The following SOS2 variants were observed in gnomAD, a reference collection of about 807,000 sequenced individuals.
The protein encoded by SOS2 is SOS Ras/Rho guanine nucleotide exchange factor 2, also known as son of sevenless homolog 2.
In SOS2, 65 loss-of-function variants were observed where a neutral mutation model predicts 148.2. The observed-to-expected ratio is 0.44, with a 90% CI of 0.36 to 0.54. SOS2 has a LOEUF of 0.54. SOS2 is among the 20% of genes least tolerant of loss of function. The pLI, the probability that SOS2 is intolerant of heterozygous loss-of-function variation, is 0.00. For missense variants in SOS2, 1,341 were observed against 1,590.2 expected, an observed-to-expected ratio of 0.84 and a Z score of 2.67; for synonymous variants, 539 against 537.1, an observed-to-expected ratio of 1.00 and a Z score of -0.05.
Position 50,118,288 on chromosome 14 carries a change from T to TA in SOS2, c.*55dup, listed in dbSNP as rs532306704. 21,224 of 1,222,438 alleles carry TA rather than the reference T, an allele frequency of 0.017. No individual in the cohort carries two copies. The highest frequency in any genetic ancestry group is 0.021 in the South Asian group (1,323 of 62,756). 75.7% of individuals were successfully genotyped at this position (1,222,438 alleles called of 1,614,324 possible). ...ATACTATGTCTTTTTTTGAATAAAT[T>TA]AAAAAAAAAACTTTACAAATACCAT... On this transcript the variant is annotated 3_prime_UTR_variant, in exon 23 of 23. Coordinates refer to ENST00000216373, the MANE Select transcript of SOS2 (RefSeq NM_006939.4).
intron 1 of SOS2, among the ~76,000 whole-genome samples, chr14:50,221,403 GCA>G (rs1214687508): frequency 2.0e-5 from 3 of 152,204 alleles, no homozygotes; most frequent in Non-Finnish European, 4.4e-5. Flanking sequence ...CAAGGTGCCT[GCA>G]CACAGTGAGT....
rs769868981 is a variant in SOS2, at chr14:50,130,575, G to A, written c.3263C>T (p.Thr1088Ile). ...AGCAGATACTGGTGGAGTAGATGGT[G>A]TATTTGGAGAGGTTGGTGCTGACAC... Reference protein sequence around the residue: ...STVSAPTSPNTPSTPPVSASS... With the variant: ...STVSAPTSPNIPSTPPVSASS... Residue 1088 changes from threonine (T) to isoleucine (I), a missense_variant, in exon 20 of 23, where the codon ACA becomes ATA. Around this residue, in one of 4 missense-constraint regions of SOS2, gnomAD observed 354 missense variants for 347.7 expected, o/e 1.02. Transcript: ENST00000216373. 1.9e-6 allele frequency: 3 copies of A among 1,613,814 alleles called. No individual in the cohort carries two copies. Among genetic ancestry groups the A allele is most frequent in the Admixed American group, 1.7e-5 (1 of 60,006 alleles).
chr14:50,200,922 ACCC>A (rs767894794), intron 3 of SOS2, 28 bp downstream of exon 3: 2 of 1,602,172 alleles, frequency 1.2e-6, no homozygotes, highest in East Asian at 4.5e-5. Context: ...TATAAAGAAC[ACCC>A]CCCAACTAAT....
intron 7 of SOS2, among the ~76,000 whole-genome samples, chr14:50,179,118 G>C (rs1885639611): frequency 6.6e-6 from 1 of 152,056 alleles, no homozygotes; most frequent in Non-Finnish European, 1.5e-5. Context: ...ATATCCACTG[G>C]ATTTGGCAAT....
chr14:50,214,961 G>A (rs949312413), intron 1 of SOS2, among the ~76,000 whole-genome samples: 14 of 151,200 alleles, frequency 9.3e-5, no homozygotes, highest in South Asian at 6.3e-4. Context: ...TCGGCCTCCC[G>A]AGTAGCTGGG....
rs375369865 is a variant in SOS2 at position 50,172,856 on chromosome 14, T to G, written c.1068+1598A>C. Among the ~76,000 whole-genome samples, 39 of 152,288 alleles carry G rather than the reference T, an allele frequency of 2.6e-4. No homozygotes were observed. In the East Asian group the frequency reaches 5.4e-3, roughly 21 times the overall value. ...AAGTGAGCACGTGAAAGATGGAGAT[T>G]TTCTGGTGACAATCCATTCATTTCT... On this transcript the variant is annotated intron_variant, in intron 8 of 22. Transcript: ENST00000216373.
At position 50,231,379 on chromosome 14, in the gene SOS2, C is replaced by A; in HGVS notation, c.-96G>T. 1 of 296,460 alleles carries A rather than the reference C, an allele frequency of 3.4e-6. No individual in the cohort carries two copies. The highest frequency in any genetic ancestry group is 5.0e-6 in the Non-Finnish European group (1 of 199,164). The allele number at this position is 296,460 out of a possible 1,614,324, so 18.4% of individuals were successfully genotyped here. A position where few individuals can be genotyped will look rare whatever the true frequency, so the allele number is the denominator to read the frequency against. On this transcript the variant is annotated 5_prime_UTR_variant, in exon 1 of 23. Coordinates refer to ENST00000216373, the MANE Select transcript of SOS2 (RefSeq NM_006939.4). ...CGGGCCGCCTCGCCTCGCCGGCGGC[C>A]GCCGCCTCCCGCCCGGGCCGAGGCT...
intron 4 of SOS2, among the ~76,000 whole-genome samples, chr14:50,197,466 A>G (rs976055759): frequency 1.3e-5 from 2 of 152,152 alleles, no homozygotes; most frequent in Non-Finnish European, 2.9e-5. Context: ...TATTCCTGCT[A>G]AAGACCATTA....
intron 4 of SOS2, among the ~76,000 whole-genome samples, chr14:50,194,420 T>C (rs1955921): frequency 0.88 from 131,061 of 149,726 alleles, 57,485 homozygotes; most frequent in East Asian, 0.91. Flanking sequence ...ATAACATATG[T>C]TGGAAATCTC....
intron 9 of SOS2, 56 bp downstream of exon 9, chr14:50,161,426 C>T: frequency 7.0e-7 from 1 of 1,436,112 alleles, no homozygotes; most frequent in Non-Finnish European, 9.6e-7. Flanking sequence ...GAAAACCAGG[C>T]ATCAGAGACA....
At chr14:50,185,984 CTTAGGG>C (rs1885896117) in intron 5 of SOS2, among the ~76,000 whole-genome samples, 2 of 152,116 alleles carry the variant, frequency 1.3e-5, no homozygotes, top group African/African-American at 4.8e-5. Context: ...TCATCAGGGT[CTTAGGG>C]TTAAATTAGA....
intron 1 of SOS2, among the ~76,000 whole-genome samples, chr14:50,229,347 T>C (rs890602088): frequency 3.3e-5 from 5 of 152,196 alleles, no homozygotes; most frequent in African/African-American, 1.2e-4. Flanking sequence ...TTAGATGTAT[T>C]TATTTCATAA....
In SOS2 at chr14:50,134,864, G is replaced by A. The variant is rs377350645; in HGVS notation, c.2959-625C>T. Among the ~76,000 whole-genome samples the A allele has an allele frequency of 1.5e-3, 227 of 151,442 alleles. 1 individual carries two copies. Among genetic ancestry groups the A allele is most frequent in the African/African-American group, 5.2e-3 (215 of 41,302 alleles). On this transcript the variant is annotated intron_variant, in intron 18 of 22. Transcript: ENST00000216373. ...TGAGGTGGGTGGATCACCTGAGGTC[G>A]GGAGTTTGAGACCAGCCTGACCAAC...
At chr14:50,138,857 A>G in intron 17 of SOS2, 73 bp from the exon 18 acceptor site, 1 of 589,660 alleles carries the variant, frequency 1.7e-6, no homozygotes. Context: ...ATTTGGGAAA[A>G]CAACTGATCT....
intron 16 of SOS2, among the ~76,000 whole-genome samples, chr14:50,140,378 A>T (rs1372777863): frequency 1.3e-5 from 2 of 152,244 alleles, no homozygotes; most frequent in South Asian, 2.1e-4. Context: ...ACCCCTGAAC[A>T]TTCAAATATT....
chr14:50,228,043 A>ATTTTTT (rs5808544), intron 1 of SOS2, among the ~76,000 whole-genome samples: 1 of 142,496 alleles, frequency 7.0e-6, no homozygotes. Context: ...GATGCAAGTA[A>ATTTTTT]TTTTTTTTTT....
At chr14:50,138,226 G>A (rs980789445) in intron 18 of SOS2, among the ~76,000 whole-genome samples, 2 of 151,680 alleles carry the variant, frequency 1.3e-5, no homozygotes, top group Non-Finnish European at 2.9e-5. Flanking sequence ...GCGCTATCTC[G>A]GCTCACTGCA....
At chr14:50,152,856 T>C (rs967003144) in intron 13 of SOS2, among the ~76,000 whole-genome samples, 15 of 152,018 alleles carry the variant, frequency 9.9e-5, no homozygotes, top group African/African-American at 3.6e-4. Context: ...TCCCAGCTAC[T>C]TGGGAGGCTG....
chr14:50,209,568 A>T (rs552402107), intron 1 of SOS2, among the ~76,000 whole-genome samples: 75 of 152,094 alleles, frequency 4.9e-4, no homozygotes, highest in African/African-American at 1.8e-3. Flanking sequence ...GGAGTTCAAG[A>T]CCAGTCTGGG....
Sources: allele counts gnomAD v4.1 joint callset (sites outside exome capture counted in the v4.1 genomes callset), GRCh38; gene constraint gnomAD v4.1.1; regional missense constraint gnomAD v4.1.1; transcripts MANE v1.5; gene names NCBI Gene and HGNC (gene_info 2026-07-23, HGNC 2026-07-21).